Variants in SLC35D1 observed in about 807,000 individuals in gnomAD.
SLC35D1 encodes the protein nucleotide sugar transporter SLC35D1.
SLC35D1 carries 31 observed loss-of-function variants against 46.7 expected under a neutral mutation model. The observed-to-expected ratio is 0.66, with a 90% CI of 0.50 to 0.90. The LOEUF is 0.90. SLC35D1 is among the 40% of genes least tolerant of loss of function. The probability of loss-of-function intolerance (pLI) is 0.00; values close to 1 mark genes in which losing one functional copy is unlikely to be tolerated. For synonymous variants in SLC35D1, 195 were observed against 164.6 expected (o/e 1.18, Z -1.41); for missense variants, 397 against 426.2 (o/e 0.93, Z 0.60).
the SLC35D1 span, chr1:66,976,777 G>T: frequency 7.3e-7 from 1 of 1,367,864 alleles, no homozygotes. Flanking sequence ...AGCTTTTCTA[G>T]ATTTTTCTTG....
At chr1:66,984,827 C>T in the SLC35D1 span, 2 of 1,611,166 alleles carry the variant, frequency 1.2e-6, no homozygotes, top group African/African-American at 2.7e-5. Flanking sequence ...AAAGAAAGTC[C>T]AGGTTCTTCT....
At chr1:67,053,630 G>C (rs555590733) in intron 1 of SLC35D1, among the ~76,000 whole-genome samples, 181 bp downstream of exon 1, 17 of 152,022 alleles carry the variant, frequency 1.1e-4, no homozygotes, top group Middle Eastern at 3.4e-3. Flanking sequence ...CCTGCCACAG[G>C]CCCGCTCGCC....
chr1:67,051,983 C>A, intron 4 of SLC35D1, 29 bp downstream of exon 4: 1 of 1,406,604 alleles, frequency 7.1e-7, no homozygotes, highest in Non-Finnish European at 1.0e-6. Flanking sequence ...ATTATATTAA[C>A]CTCACTAGTA....
chr1:67,045,428 C>T (rs1645242395), intron 7 of SLC35D1, among the ~76,000 whole-genome samples: 1 of 152,120 alleles, frequency 6.6e-6, no homozygotes, highest in Non-Finnish European at 1.5e-5. Flanking sequence ...TCCAGTATTT[C>T]TGTCTTTTAC....
chr1:66,974,425 G>GTTTT, the SLC35D1 span, among the ~76,000 whole-genome samples: 1 of 148,716 alleles, frequency 6.7e-6, no homozygotes, highest in African/African-American at 2.5e-5. Flanking sequence ...TTTGGATGAG[G>GTTTT]TTTTTTTTTT....
intron 8 of SLC35D1, among the ~76,000 whole-genome samples, chr1:67,027,218 C>G (rs1667932713): frequency 1.3e-5 from 2 of 151,792 alleles, no homozygotes; most frequent in Admixed American, 1.3e-4. Flanking sequence ...TAAAATATAC[C>G]TGCTCTGTAA....
intron 8 of SLC35D1, among the ~76,000 whole-genome samples, chr1:67,037,141 C>T (rs1353881676): frequency 6.6e-6 from 1 of 152,020 alleles, no homozygotes; most frequent in Non-Finnish European, 1.5e-5. Flanking sequence ...TCTTATTGTA[C>T]TGTCAATGTG....
chr1:66,983,680 A>C, the SLC35D1 span, among the ~76,000 whole-genome samples: 3 of 152,184 alleles, frequency 2.0e-5, no homozygotes, highest in African/African-American at 7.2e-5. Context: ...TTAGTTTTTT[A>C]ACATTATGAC....
the SLC35D1 span, among the ~76,000 whole-genome samples, chr1:66,990,309 C>T: frequency 2.6e-5 from 4 of 152,160 alleles, no homozygotes; most frequent in Admixed American, 2.6e-4. Flanking sequence ...ACGTCTTGCT[C>T]TGTTGCCCAT....
chr1:66,997,559 ATCTGTG>A (rs1558144808), downstream of SLC35D1, among the ~76,000 whole-genome samples: 6 of 134,296 alleles, frequency 4.5e-5, no homozygotes, highest in East Asian at 1.3e-3. Flanking sequence ...ATATAGATAT[ATCTGTG>A]TGTGTATATA....
chr1:66,981,061 C>T, the SLC35D1 span, among the ~76,000 whole-genome samples: 1 of 147,880 alleles, frequency 6.8e-6, no homozygotes, highest in East Asian at 1.9e-4. Context: ...TTTTTATGTA[C>T]ATATATAATA....
the SLC35D1 span, chr1:66,985,837 T>TTA: frequency 1.6e-6 from 1 of 630,290 alleles, no homozygotes; most frequent in Non-Finnish European, 1.9e-6. Flanking sequence ...TTTTTTTTTT[T>TTA]AAATTTCTAC....
intron 10 of SLC35D1, among the ~76,000 whole-genome samples, chr1:67,017,460 T>G (rs190576573): frequency 6.6e-6 from 1 of 152,302 alleles, no homozygotes; most frequent in Admixed American, 6.5e-5. Flanking sequence ...CCACTGAAAG[T>G]TGAAACTGTG....
intron 11 of SLC35D1, among the ~76,000 whole-genome samples, chr1:67,008,753 C>T (rs1667502629): frequency 6.6e-6 from 1 of 152,060 alleles, no homozygotes; most frequent in African/African-American, 2.4e-5. Flanking sequence ...GTCCTAATGT[C>T]CACCACCACG....
intron 8 of SLC35D1, among the ~76,000 whole-genome samples, chr1:67,026,187 T>C (rs1667910500): frequency 6.6e-6 from 1 of 152,200 alleles, no homozygotes; most frequent in Non-Finnish European, 1.5e-5. Flanking sequence ...GAAAGTTCCC[T>C]TCTATTCCTA....
At chr1:67,034,714 T>C (rs938870195) in intron 8 of SLC35D1, among the ~76,000 whole-genome samples, 3 of 152,202 alleles carry the variant, frequency 2.0e-5, no homozygotes, top group Admixed American at 6.5e-5. Flanking sequence ...CTTCCAGTAT[T>C]ACACTGAGTA....
the SLC35D1 span, among the ~76,000 whole-genome samples, chr1:66,977,482 C>T: frequency 7.2e-5 from 11 of 152,220 alleles, no homozygotes; most frequent in South Asian, 2.1e-4. Context: ...TGAATCTTTC[C>T]TCTAACAAGT....
chr1:67,020,463 A>G lies in SLC35D1; in HGVS notation c.798-16T>C. ...TAAGATAAACCTAGAATGAAGAAAG[A>G]GGTATAAAATCCAGTTTCTCACTTT... On this transcript the variant is annotated splice_polypyrimidine_tract_variant and intron_variant, in intron 9 of 11. Coordinates refer to ENST00000235345, the MANE Select transcript of SLC35D1 (RefSeq NM_015139.3). 1 of 1,567,002 alleles carries G rather than the reference A, an allele frequency of 6.4e-7. No homozygotes were observed. The highest frequency in any genetic ancestry group is 8.8e-7 in the Non-Finnish European group (1 of 1,137,462).
At chr1:66,985,892 T>C in the SLC35D1 span, 3 of 958,528 alleles carry the variant, frequency 3.1e-6, no homozygotes, top group African/African-American at 5.3e-5. Flanking sequence ...GCATGATGCT[T>C]AGATTGCAGT....
Sources: gnomAD v4.1 joint callset for allele counts (sites outside exome capture counted in the v4.1 genomes callset) on GRCh38, gnomAD v4.1.1 for gene constraint, MANE v1.5 for transcripts, NCBI Gene and HGNC (gene_info 2026-07-23, HGNC 2026-07-21) for gene names.